Variants in DNAJC1 observed in about 807,000 individuals in gnomAD.
DNAJC1 encodes dnaJ homolog subfamily C member 1.
In DNAJC1, 58 loss-of-function variants were observed where a neutral mutation model predicts 76.6. The observed-to-expected ratio is 0.76, with a 90% CI of 0.61 to 0.94. The LOEUF (loss-of-function observed/expected upper bound fraction) is 0.94. Ranked by LOEUF, DNAJC1 falls within the 40% of genes least tolerant of loss-of-function variation. The probability of loss-of-function intolerance (pLI) is 0.00; values close to 1 mark genes in which losing one functional copy is unlikely to be tolerated. For missense variants in DNAJC1, 689 were observed against 677.3 expected, an observed-to-expected ratio of 1.02 and a Z score of -0.19; for synonymous variants, 258 against 267.9, an observed-to-expected ratio of 0.96 and a Z score of 0.36.
At chr10:21,874,858 A>G (rs1030604305) in intron 8 of DNAJC1, among the ~76,000 whole-genome samples, 4 of 152,128 alleles carry the variant, frequency 2.6e-5, no homozygotes, top group African/African-American at 9.7e-5. Flanking sequence ...GTAACATGAT[A>G]AAAGTTTTTT....
At chr10:21,864,478 C>T (rs113337879) in intron 8 of DNAJC1, among the ~76,000 whole-genome samples, 3,380 of 151,692 alleles carry the variant, frequency 0.022, 55 homozygotes, top group Non-Finnish European at 0.034. Flanking sequence ...AAAAACTAGC[C>T]GAGCGTGGTG....
At chr10:21,992,150 A>G (rs554640731) in intron 1 of DNAJC1, among the ~76,000 whole-genome samples, 71 of 152,314 alleles carry the variant, frequency 4.7e-4, no homozygotes, top group African/African-American at 1.6e-3. Context: ...GTCTCTACTA[A>G]AAATGCAAAA....
intron 8 of DNAJC1, 90 bp downstream of exon 8, chr10:21,882,192 A>G: frequency 8.1e-7 from 1 of 1,227,148 alleles, no homozygotes; most frequent in Non-Finnish European, 1.1e-6. Flanking sequence ...AGTGCAATAA[A>G]ACAAAGCACT....
intron 8 of DNAJC1, among the ~76,000 whole-genome samples, chr10:21,844,522 G>A (rs996970065): frequency 6.6e-6 from 1 of 151,952 alleles, no homozygotes; most frequent in African/African-American, 2.4e-5. Context: ...AAAAAGTTTC[G>A]GGCAGAGACA....
At chr10:21,825,258 G>C (rs1211195176) in intron 8 of DNAJC1, among the ~76,000 whole-genome samples, 2 of 152,116 alleles carry the variant, frequency 1.3e-5, no homozygotes, top group African/African-American at 2.4e-5. Context: ...TATTTGCATT[G>C]TGTCTCTACA....
chr10:21,978,321 G>C (rs1263619236), intron 1 of DNAJC1, among the ~76,000 whole-genome samples: 4 of 152,100 alleles, frequency 2.6e-5, no homozygotes, highest in Non-Finnish European at 4.4e-5. Context: ...ATTATTTCTT[G>C]AAGCAACATT....
chr10:21,833,042 T>C (rs1324133181), intron 8 of DNAJC1, among the ~76,000 whole-genome samples: 1 of 152,220 alleles, frequency 6.6e-6, no homozygotes, highest in East Asian at 1.9e-4. Context: ...TTTGGTTTTT[T>C]CCTAGGTGGA....
intron 1 of DNAJC1, among the ~76,000 whole-genome samples, chr10:21,973,619 A>T (rs752268002): frequency 6.6e-6 from 1 of 152,182 alleles, no homozygotes; most frequent in Non-Finnish European, 1.5e-5. Context: ...GAAGTTAATC[A>T]TATTGGGTAA....
chr10:21,955,187 C>T (rs1001529358), intron 1 of DNAJC1, among the ~76,000 whole-genome samples: 4 of 152,130 alleles, frequency 2.6e-5, no homozygotes, highest in Admixed American at 2.0e-4. Context: ...AAATTTAATC[C>T]GTTATAACAT....
chr10:21,832,214 C>T (rs1474206523), intron 8 of DNAJC1, among the ~76,000 whole-genome samples: 2 of 152,144 alleles, frequency 1.3e-5, no homozygotes, highest in South Asian at 2.1e-4. Flanking sequence ...TTTTTCATGT[C>T]CTATTTTAAG....
intron 6 of DNAJC1, among the ~76,000 whole-genome samples, chr10:21,908,042 T>C (rs1310703089): frequency 8.4e-6 from 1 of 119,294 alleles, no homozygotes; most frequent in Admixed American, 1.2e-4. Flanking sequence ...TAATATAATA[T>C]AATATATAAA....
chr10:21,931,999 T>A (rs1698910331), intron 1 of DNAJC1, among the ~76,000 whole-genome samples: 2 of 151,854 alleles, frequency 1.3e-5, no homozygotes, highest in African/African-American at 4.8e-5. Context: ...AGAAGAAATG[T>A]ATCATCACTT....
At chr10:21,789,025 C>G (rs1486468532) in intron 9 of DNAJC1, among the ~76,000 whole-genome samples, 1 of 152,100 alleles carries the variant, frequency 6.6e-6, no homozygotes. Flanking sequence ...GCTTAGGACT[C>G]CAGCCCCACA....
chr10:21,905,810 G>C (rs1211055292), intron 6 of DNAJC1, among the ~76,000 whole-genome samples: 3 of 151,914 alleles, frequency 2.0e-5, no homozygotes, highest in Non-Finnish European at 4.4e-5. Flanking sequence ...GACTAACTAA[G>C]GTGAAATAAG....
At chr10:21,975,017 A>T (rs1258461880) in intron 1 of DNAJC1, among the ~76,000 whole-genome samples, 2 of 152,102 alleles carry the variant, frequency 1.3e-5, no homozygotes. Context: ...CAGATATAAA[A>T]TTATGAAAAT....
At chr10:21,963,310 A>G (rs1202126235) in intron 1 of DNAJC1, among the ~76,000 whole-genome samples, 1 of 152,242 alleles carries the variant, frequency 6.6e-6, no homozygotes, top group Non-Finnish European at 1.5e-5. Context: ...AAAGCTGCTA[A>G]GCGTTAACAC....
At chr10:21,995,065 G>A (rs1838394219) in intron 1 of DNAJC1, among the ~76,000 whole-genome samples, 1 of 151,722 alleles carries the variant, frequency 6.6e-6, no homozygotes, top group African/African-American at 2.4e-5. Context: ...GAAAAGTGTG[G>A]TAATTGAAAA....
chr10:21,964,580 T>A (rs952703407), intron 1 of DNAJC1, among the ~76,000 whole-genome samples: 1 of 152,130 alleles, frequency 6.6e-6, no homozygotes, highest in Non-Finnish European at 1.5e-5. Context: ...AATGTTTGCT[T>A]AGGATTTATC....
chr10:21,861,701 AC>A (rs1835917972), intron 8 of DNAJC1, among the ~76,000 whole-genome samples: 1 of 152,112 alleles, frequency 6.6e-6, no homozygotes, highest in East Asian at 1.9e-4. Context: ...GGTGGTCCTC[AC>A]TGCTACACTC....
Sources: gnomAD v4.1 joint callset for allele counts (sites outside exome capture counted in the v4.1 genomes callset) on GRCh38, gnomAD v4.1.1 for gene constraint, MANE v1.5 for transcripts, NCBI Gene and HGNC (gene_info 2026-07-23, HGNC 2026-07-21) for gene names.